PUM2: variants seen among roughly 807,000 people sequenced by gnomAD.
PUM2 encodes pumilio RNA binding family member 2.
PUM2 carries 57 observed loss-of-function variants against 124.5 expected under a neutral mutation model. That is an observed-to-expected ratio of 0.46 (90% CI 0.37 to 0.57). The LOEUF (loss-of-function observed/expected upper bound fraction) is 0.57. Ranked by LOEUF, PUM2 falls within the 20% of genes least tolerant of loss-of-function variation. The probability of loss-of-function intolerance (pLI) is 0.00; values close to 1 mark genes in which losing one functional copy is unlikely to be tolerated. For missense variants in PUM2, 1,065 were observed against 1,290.6 expected (o/e 0.83, Z 2.68); for synonymous variants, 460 against 446.1 (o/e 1.03, Z -0.39).
At chr2:20,327,266 A>G (rs1279322945) in intron 2 of PUM2, 44 bp downstream of exon 2, 1 of 1,348,298 alleles carries the variant, frequency 7.4e-7, no homozygotes, top group South Asian at 1.2e-5. Flanking sequence ...ACAATGGCTC[A>G]AAATAAAGTG....
chr2:20,326,124 A>C, intron 2 of PUM2: 1 of 661,126 alleles, frequency 1.5e-6, no homozygotes, highest in South Asian at 1.9e-5. Flanking sequence ...CAGATATTGC[A>C]CTGCAGTGAA....
intron 1 of PUM2, among the ~76,000 whole-genome samples, chr2:20,339,129 A>C (rs541796170): frequency 1.3e-5 from 2 of 152,140 alleles, no homozygotes; most frequent in African/African-American, 4.8e-5. Flanking sequence ...GCTTATTTCA[A>C]AAAAAATGTT....
chr2:20,297,857 T>C (rs1475044812), intron 7 of PUM2, among the ~76,000 whole-genome samples, 179 bp from the exon 8 acceptor site: 2 of 152,220 alleles, frequency 1.3e-5, no homozygotes, highest in African/African-American at 4.8e-5. Context: ...AAATTAGTTT[T>C]CATTTAAGAA....
chr2:20,267,208 T>C (rs1357592476), intron 13 of PUM2, among the ~76,000 whole-genome samples: 3 of 151,776 alleles, frequency 2.0e-5, no homozygotes, highest in Non-Finnish European at 4.4e-5. Flanking sequence ...TTTTTTTTAG[T>C]AGAGACGGGG....
chr2:20,267,619 C>A (rs1216384599), intron 13 of PUM2, among the ~76,000 whole-genome samples: 1 of 152,166 alleles, frequency 6.6e-6, no homozygotes, highest in African/African-American at 2.4e-5. Flanking sequence ...GTCATTCAGT[C>A]CCCACTATCA....
intron 10 of PUM2, among the ~76,000 whole-genome samples, chr2:20,287,090 T>C (rs1672923812): frequency 1.3e-5 from 2 of 152,188 alleles, no homozygotes; most frequent in African/African-American, 4.8e-5. Flanking sequence ...TTATGCAATC[T>C]AGCACAGGAG....
chr2:20,267,400 T>C (rs1667949634), intron 13 of PUM2, among the ~76,000 whole-genome samples: 1 of 152,122 alleles, frequency 6.6e-6, no homozygotes, highest in Admixed American at 6.5e-5. Context: ...GAGAGAATCA[T>C]ACAGCCAATG....
chr2:20,319,876 A>G (rs1251684062), intron 2 of PUM2, among the ~76,000 whole-genome samples: 1 of 152,218 alleles, frequency 6.6e-6, no homozygotes, highest in Non-Finnish European at 1.5e-5. Context: ...ATGTACTACA[A>G]AAAACTCAAG....
intron 1 of PUM2, among the ~76,000 whole-genome samples, chr2:20,345,518 A>G (rs1688077739): frequency 6.6e-6 from 1 of 152,170 alleles, no homozygotes; most frequent in African/African-American, 2.4e-5. Flanking sequence ...CAAGGACCAC[A>G]TATCACCGTA....
At position 20,327,296 on chromosome 2, in the gene PUM2, T is replaced by C. The variant is rs375032962; in HGVS notation, c.51+14A>G. 403 of 1,517,736 alleles carry C rather than the reference T, an allele frequency of 2.7e-4. No individual in the cohort carries two copies. The highest frequency in any genetic ancestry group is 3.5e-4 in the Non-Finnish European group (381 of 1,099,076). 94.0% of individuals were successfully genotyped at this position (1,517,736 alleles called of 1,614,324 possible). On this transcript the variant is annotated intron_variant, in intron 2 of 20. Transcript: ENST00000361078. ...AAAGTGAGGTGTAAGTTCTTAGTAT[T>C]TGCAAACATTTACCTCTCCCATTCC...
chr2:20,265,388 G>A (rs1250900411), intron 13 of PUM2, among the ~76,000 whole-genome samples: 2 of 152,154 alleles, frequency 1.3e-5, no homozygotes, highest in East Asian at 3.9e-4. Flanking sequence ...AGAGTTCAGT[G>A]TTTCAATACT....
At chr2:20,325,755 G>A (rs1388331969) in intron 2 of PUM2, among the ~76,000 whole-genome samples, 1 of 152,052 alleles carries the variant, frequency 6.6e-6, no homozygotes, top group East Asian at 1.9e-4. Flanking sequence ...CCGAGTAGCT[G>A]GGACTACAGG....
upstream of PUM2, among the ~76,000 whole-genome samples, chr2:20,351,377 T>C (rs1375785006): frequency 2.0e-5 from 3 of 152,098 alleles, no homozygotes; most frequent in African/African-American, 7.2e-5. Flanking sequence ...GGGTGGAAGA[T>C]TGTACCCTGC....
chr2:20,277,465 G>A (rs943137627), intron 13 of PUM2, among the ~76,000 whole-genome samples: 1 of 152,096 alleles, frequency 6.6e-6, no homozygotes, highest in Non-Finnish European at 1.5e-5. Flanking sequence ...TACCCCAAAT[G>A]AGCAAAGGCC....
rs1367189550 is a variant in PUM2 at position 20,283,075 on chromosome 2, T to C, written c.1592A>G (p.Asn531Ser). 1 of 1,614,008 alleles carries C rather than the reference T, an allele frequency of 6.2e-7. No individual in the cohort carries two copies. The highest frequency in any genetic ancestry group is 1.3e-5 in the African/African-American group (1 of 74,928). The change falls in exon 12 of 21, where the codon AAT becomes AGT. Residue 531 changes from asparagine (N) to serine (S), a missense_variant. By Grantham distance (46) the Asn-to-Ser change is conservative. Transcript: ENST00000361078. ...NSFYGSSSLT[N>S]SSQSSSLFSH... The stretch of plus-strand genomic sequence containing the variant: ...AAATAAAGAACTACTCTGGGAGCTA[T>C]TAGTCAAAGAACTGCTTCCATAAAA...
At chr2:20,349,188 G>A (rs1309445127) in intron 1 of PUM2, among the ~76,000 whole-genome samples, 1 of 152,166 alleles carries the variant, frequency 6.6e-6, no homozygotes, top group Non-Finnish European at 1.5e-5. Context: ...TTAAATTGCT[G>A]GAAAATGCGT....
intron 1 of PUM2, among the ~76,000 whole-genome samples, chr2:20,342,864 A>C (rs1687491575): frequency 6.6e-6 from 1 of 152,232 alleles, no homozygotes; most frequent in Non-Finnish European, 1.5e-5. Flanking sequence ...TTAAGTTTTA[A>C]AAAGGCAAGT....
chr2:20,260,435 G>C lies in PUM2; in HGVS notation c.2257C>G (p.Pro753Ala). 1.2e-6 allele frequency: 2 copies of C among 1,610,246 alleles called. No homozygotes were observed. The highest frequency in any genetic ancestry group is 2.2e-5 in the East Asian group (1 of 44,788). ...TTAAATACCATCTGTCGCTCAGCTGGAGTAGCTCTCTCTAGTTTTTGCTGT... is the reference window on the plus strand; with the variant it reads ...TTAAATACCATCTGTCGCTCAGCTGCAGTAGCTCTCTCTAGTTTTTGCTGT... ...FIQQKLERAT[P>A]AERQMVFNEI... Residue 753 changes from proline (P) to alanine (A), a missense_variant, in exon 15 of 21, where the codon CCA (proline) becomes GCA (alanine). Physicochemically the swap from Pro to Ala is conservative, Grantham distance 27. Transcript: ENST00000361078.
intron 10 of PUM2, among the ~76,000 whole-genome samples, chr2:20,289,616 CTCTT>C (rs1327650032): frequency 3.3e-5 from 5 of 152,204 alleles, no homozygotes; most frequent in African/African-American, 4.8e-5. Context: ...GGATGAAAAT[CTCTT>C]TATCCCGTGA....
Sources: allele counts gnomAD v4.1 joint callset (sites outside exome capture counted in the v4.1 genomes callset), GRCh38; gene constraint gnomAD v4.1.1; transcripts MANE v1.5; gene names NCBI Gene and HGNC (gene_info 2026-07-23, HGNC 2026-07-21).